The following SLIT3 variants were observed in gnomAD, a reference collection of about 807,000 sequenced individuals.
SLIT3 encodes the protein slit guidance ligand 3, also known as slit homolog 3 protein.
In SLIT3, 68 loss-of-function variants were observed where a neutral mutation model predicts 184.0. The ratio of observed to expected loss-of-function variants is 0.37; its 90% CI spans 0.30 to 0.45. The LOEUF (loss-of-function observed/expected upper bound fraction) is 0.45, where lower values mean the gene tolerates loss of function less well. Ranked by LOEUF, SLIT3 falls within the 20% of genes least tolerant of loss-of-function variation. The probability of loss-of-function intolerance (pLI) is 1.00; values close to 1 mark genes in which losing one functional copy is unlikely to be tolerated. For synonymous variants in SLIT3, 831 were observed against 828.6 expected (o/e 1.00, Z -0.05); for missense variants, 1,707 against 2,026.0 (o/e 0.84, Z 3.02).
In SLIT3 at chr5:168,922,405, C is replaced by T. The variant is rs528353348; in HGVS notation, c.414-39069G>A. ...CCAGGAGGCGGAGCTTGCAGTGAGC[C>T]GAGATTGTGCCACTGCACTCCAGCT... On this transcript the variant is annotated intron_variant, in intron 4 of 35. Transcript: ENST00000519560. Among the ~76,000 whole-genome samples, 3 of 138,798 alleles carry T rather than the reference C, an allele frequency of 2.2e-5. No homozygotes were observed. The South Asian group carries it at 6.7e-4, about 31-fold the overall frequency. The allele number at this position is 138,798 out of a possible 152,430, so 91.1% of individuals were successfully genotyped here.
At chr5:168,682,636 G>C (rs1761626358) in intron 32 of SLIT3, among the ~76,000 whole-genome samples, 2 of 152,306 alleles carry the variant, frequency 1.3e-5, no homozygotes, top group South Asian at 4.1e-4. Flanking sequence ...GTGTGTGGAG[G>C]GGGGATCTTT....
intron 4 of SLIT3, among the ~76,000 whole-genome samples, chr5:169,129,831 TTTG>T (rs1561684326): frequency 1.8e-3 from 225 of 127,136 alleles, no homozygotes; most frequent in African/African-American, 7.6e-3. Flanking sequence ...GTTTTTTTTG[TTTG>T]TTTGTTTGTT....
chr5:168,678,785 GA>G lies in SLIT3; in HGVS notation c.3686+5180del, dbSNP rs746090073. Reference sequence around the variant, plus strand: ...GTGACAAAAGTAGAGGAAAAAAAAGGAAAAAATAGTAACAACCTAAGGTTCA... The same window carrying G: ...GTGACAAAAGTAGAGGAAAAAAAAGGAAAAATAGTAACAACCTAAGGTTCA... On this transcript the variant is annotated intron_variant, in intron 32 of 35. Transcript: ENST00000519560. Among the ~76,000 whole-genome samples the G allele has an allele frequency of 1.2e-3, 189 of 152,226 alleles. 1 individual carries two copies. Among genetic ancestry groups the G allele is most frequent in the Admixed American group, 1.8e-3 (27 of 15,284 alleles).
intron 4 of SLIT3, among the ~76,000 whole-genome samples, chr5:168,933,883 G>A (rs2070161785): frequency 6.6e-6 from 1 of 152,034 alleles, no homozygotes; most frequent in South Asian, 2.1e-4. Context: ...TGGCTAGGAA[G>A]GGCTGAGTGG....
At chr5:168,869,670 A>G (rs551713426) in intron 5 of SLIT3, among the ~76,000 whole-genome samples, 12 of 152,292 alleles carry the variant, frequency 7.9e-5, no homozygotes, top group Non-Finnish European at 1.8e-4. Context: ...TGTTGTCTCT[A>G]TTAGCAGAAA....
intron 4 of SLIT3, among the ~76,000 whole-genome samples, chr5:169,052,956 G>A (rs564621732): frequency 1.3e-5 from 2 of 150,644 alleles, no homozygotes; most frequent in Non-Finnish European, 3.0e-5. Context: ...GAAAGGCACC[G>A]ATGCCCAAAG....
intron 1 of SLIT3, among the ~76,000 whole-genome samples, chr5:169,298,255 C>T (rs2113669067): frequency 6.6e-6 from 1 of 152,250 alleles, no homozygotes; most frequent in Middle Eastern, 3.4e-3. Context: ...ATCAAAGAAG[C>T]TCCTGCTCTG....
intron 29 of SLIT3, among the ~76,000 whole-genome samples, chr5:168,687,449 C>T (rs1204504731): frequency 1.3e-5 from 2 of 152,330 alleles, no homozygotes; most frequent in East Asian, 3.9e-4. Context: ...ATGCCCCTTT[C>T]ACTGAGTTCT....
At position 169,091,036 on chromosome 5, in the gene SLIT3, A is replaced by G. The variant is rs537394591; in HGVS notation, c.413+102443T>C. Among the ~76,000 whole-genome samples, 9 of 152,312 alleles carry G rather than the reference A, an allele frequency of 5.9e-5. No individual in the cohort carries two copies. The South Asian group carries it at 1.5e-3, about 25-fold the overall frequency. ...ATTGCATTGTCTTATCTGTCCTACCAGGCTGACCTCCTTGAGGGCAGAATT... is the reference window on the plus strand; with the variant it reads ...ATTGCATTGTCTTATCTGTCCTACCGGGCTGACCTCCTTGAGGGCAGAATT... On this transcript the variant is annotated intron_variant, in intron 4 of 35. Transcript: ENST00000519560.
chr5:168,841,459 T>C (rs1204399472), intron 6 of SLIT3, among the ~76,000 whole-genome samples: 1 of 152,194 alleles, frequency 6.6e-6, no homozygotes, highest in Admixed American at 6.5e-5. Context: ...TTCTTCTTAC[T>C]TCCTGGAAAG....
intron 4 of SLIT3, among the ~76,000 whole-genome samples, chr5:169,132,198 C>T (rs923324115): frequency 1.3e-5 from 2 of 151,950 alleles, no homozygotes; most frequent in Admixed American, 6.6e-5. Context: ...GGGGAAAAGG[C>T]GGAGGAAGAA....
intron 20 of SLIT3, among the ~76,000 whole-genome samples, chr5:168,735,567 T>C (rs181522388): frequency 9.9e-5 from 15 of 152,152 alleles, no homozygotes; most frequent in Admixed American, 8.5e-4. Context: ...GAGGATTAAA[T>C]TTGAGTCTCT....
At chr5:168,950,276 C>T (rs537868792) in intron 4 of SLIT3, among the ~76,000 whole-genome samples, 3 of 152,158 alleles carry the variant, frequency 2.0e-5, no homozygotes, top group Admixed American at 2.0e-4. Flanking sequence ...CAACAGACAC[C>T]AAATCCGCTG....
intron 4 of SLIT3, among the ~76,000 whole-genome samples, chr5:169,175,465 C>T (rs1014917313): frequency 6.6e-6 from 1 of 152,058 alleles, no homozygotes; most frequent in Non-Finnish European, 1.5e-5. Context: ...TCTCTGAGCC[C>T]CATTTCCTCC....
intron 4 of SLIT3, among the ~76,000 whole-genome samples, chr5:169,017,533 C>T (rs1399829196): frequency 6.6e-6 from 1 of 152,220 alleles, no homozygotes; most frequent in East Asian, 1.9e-4. Flanking sequence ...ACATTCATAA[C>T]ACTTAGGCAA....
intron 4 of SLIT3, among the ~76,000 whole-genome samples, chr5:169,000,169 G>A (rs890635349): frequency 1.3e-5 from 2 of 151,954 alleles, no homozygotes; most frequent in Non-Finnish European, 2.9e-5. Context: ...TGAGGCAGGC[G>A]CATCATGAGA....
At chr5:169,019,329 T>C (rs536998568) in intron 4 of SLIT3, among the ~76,000 whole-genome samples, 12 of 152,360 alleles carry the variant, frequency 7.9e-5, no homozygotes, top group African/African-American at 2.9e-4. Context: ...CTTGACTCTC[T>C]GCCCTTTGCT....
At chr5:169,187,276 C>G (rs541604282) in intron 4 of SLIT3, among the ~76,000 whole-genome samples, 2 of 152,050 alleles carry the variant, frequency 1.3e-5, no homozygotes, top group South Asian at 4.2e-4. Context: ...CCACACCCTG[C>G]TAATTTTTGT....
intron 4 of SLIT3, among the ~76,000 whole-genome samples, chr5:169,033,192 C>G (rs963363552): frequency 6.6e-6 from 1 of 152,012 alleles, no homozygotes; most frequent in Admixed American, 6.6e-5. Flanking sequence ...TCCACATATA[C>G]TTGAAACAAT....
Sources: gnomAD v4.1 joint callset for allele counts (sites outside exome capture counted in the v4.1 genomes callset) on GRCh38, gnomAD v4.1.1 for gene constraint, MANE v1.5 for transcripts, NCBI Gene and HGNC (gene_info 2026-07-23, HGNC 2026-07-21) for gene names.